The following CRYBG1 variants were observed in gnomAD, a reference collection of about 807,000 sequenced individuals.
CRYBG1 encodes the protein crystallin beta-gamma domain containing 1, also known as beta/gamma crystallin domain-containing protein 1.
Under a neutral mutation model 189.2 loss-of-function variants are expected in CRYBG1, and 139 were observed. That is an observed-to-expected ratio of 0.73 (90% CI 0.64 to 0.85). The LOEUF (loss-of-function observed/expected upper bound fraction) is 0.85, where lower values mean the gene tolerates loss of function less well. Among genes scored for constraint, CRYBG1 ranks in the 40% least tolerant of loss-of-function variants. CRYBG1 has a pLI of 0.00. For synonymous variants in CRYBG1, 1,023 were observed against 1,017.1 expected (o/e 1.01, Z -0.11); for missense variants, 2,611 against 2,675.8 (o/e 0.98, Z 0.53).
chr6:106,425,661 C>T (rs1409762044), intron 1 of CRYBG1, among the ~76,000 whole-genome samples: 5 of 152,136 alleles, frequency 3.3e-5, no homozygotes, highest in East Asian at 1.9e-4. Context: ...GACAGAGTTT[C>T]GCTCTTGTCA....
intron 2 of CRYBG1, among the ~76,000 whole-genome samples, chr6:106,455,521 A>C (rs987942877): frequency 6.6e-6 from 1 of 151,806 alleles, no homozygotes; most frequent in African/African-American, 2.4e-5. Context: ...ATATTGAGTA[A>C]TGTATTATTA....
intron 1 of CRYBG1, among the ~76,000 whole-genome samples, chr6:106,376,052 T>C (rs1201984134): frequency 1.3e-5 from 2 of 152,228 alleles, no homozygotes; most frequent in Non-Finnish European, 2.9e-5. Flanking sequence ...TGGACCACGG[T>C]TGACTGAGTG....
intron 2 of CRYBG1, among the ~76,000 whole-genome samples, chr6:106,502,369 A>G (rs1317478181): frequency 6.6e-6 from 1 of 152,250 alleles, no homozygotes. Flanking sequence ...TGATGACTTC[A>G]CAAGGAACAC....
At chr6:106,399,063 C>T (rs536416240) in intron 1 of CRYBG1, among the ~76,000 whole-genome samples, 1 of 148,060 alleles carries the variant, frequency 6.8e-6, no homozygotes, top group African/African-American at 2.7e-5. Context: ...AGGAAGTTTG[C>T]CCAGAGAGCC....
rs1773997522 is a variant in CRYBG1 at position 106,536,052 on chromosome 6, G to GATT, written c.4719-3351_4719-3350insATT. 2.3e-3 allele frequency among the ~76,000 whole-genome samples: 2 copies of GATT among 862 alleles called. 1 individual carries two copies. Among genetic ancestry groups the GATT allele is most frequent in the Non-Finnish European group, 4.9e-3 (2 of 408 alleles). The allele number at this position is 862 out of a possible 152,430, so 0.6% of individuals were successfully genotyped here. ...ACCCGCCTCGGCCTCCCAAAGTGCT[G>GATT]GGATTACAGGCGTGAGCCACTAACT... On this transcript the variant is annotated intron_variant, in intron 8 of 21. Coordinates refer to ENST00000633556, the MANE Select transcript of CRYBG1 (RefSeq NM_001371242.2).
intron 1 of CRYBG1, among the ~76,000 whole-genome samples, chr6:106,368,634 T>C (rs531168006): frequency 3.9e-5 from 6 of 152,298 alleles, no homozygotes; most frequent in African/African-American, 1.4e-4. Context: ...GATTCAAATA[T>C]ATGAGAAGTC....
At chr6:106,375,347 C>T (rs1268884830) in intron 1 of CRYBG1, among the ~76,000 whole-genome samples, 3 of 152,058 alleles carry the variant, frequency 2.0e-5, no homozygotes, top group African/African-American at 7.2e-5. Context: ...GATTAAGCCA[C>T]TGCCCTGCAG....
chr6:106,451,755 T>C lies in CRYBG1; in HGVS notation c.235T>C (p.Cys79Arg), dbSNP rs1771785411. ...VRDSQEFPLH[C>R]GESQFFHTTS... is the part of the protein sequence containing the mutation. ...AGACTCCCAGGAATTTCCACTGCAC[T>C]GTGGGGAATCCCAGTTCTTCCACAC... The change falls in exon 2 of 22, where the codon TGT (cysteine) becomes CGT (arginine). Residue 79 changes from cysteine to arginine, a missense_variant. Around this residue, in one of 3 missense-constraint regions of CRYBG1, gnomAD observed 985 missense variants for 924.4 expected, o/e 1.07. Transcript: ENST00000633556. 1 of 1,534,932 alleles carries C rather than the reference T, an allele frequency of 6.5e-7. No individual in the cohort carries two copies. The highest frequency in any genetic ancestry group is 8.7e-7 in the Non-Finnish European group (1 of 1,146,372).
In CRYBG1 at chr6:106,519,631, A is replaced by G; in HGVS notation, c.2423A>G (p.Lys808Arg). The G allele has an allele frequency of 1.2e-6, 2 of 1,614,214 alleles. No individual in the cohort carries two copies. The highest frequency in any genetic ancestry group is 2.7e-5 in the African/African-American group (2 of 75,054). Residue 808 changes from lysine to arginine, a missense_variant, in exon 4 of 22, where the codon AAG becomes AGG. By Grantham distance (26) the Lys-to-Arg change is conservative. Coordinates refer to ENST00000633556, the MANE Select transcript of CRYBG1 (RefSeq NM_001371242.2). ...EPVASALIPV[K>R]DHKLLEKEDS... ...GTGGCTTCTGCTCTGATTCCTGTCA[A>G]GGATCATAAGCTCTTAGAGAAGGAG...
intron 1 of CRYBG1, among the ~76,000 whole-genome samples, chr6:106,394,607 G>T (rs1403074063): frequency 6.6e-6 from 1 of 152,134 alleles, no homozygotes; most frequent in Non-Finnish European, 1.5e-5. Flanking sequence ...TCTAAAAGTT[G>T]TTTCTGAAAT....
intron 17 of CRYBG1, among the ~76,000 whole-genome samples, chr6:106,557,412 T>A (rs974540522): frequency 6.7e-6 from 1 of 148,592 alleles, no homozygotes; most frequent in African/African-American, 2.6e-5. Context: ...GCTTTTATTT[T>A]TTTTTTTTTT....
At chr6:106,470,240 C>CT (rs1437605989) in intron 2 of CRYBG1, among the ~76,000 whole-genome samples, 3 of 151,980 alleles carry the variant, frequency 2.0e-5, no homozygotes, top group Non-Finnish European at 4.4e-5. Flanking sequence ...GGGAAGATCC[C>CT]TTGAACCCCA....
chr6:106,519,732 G>C lies in CRYBG1; in HGVS notation c.2524G>C (p.Val842Leu), dbSNP rs766872985. The change falls in exon 4 of 22, where the codon GTG becomes CTG. Residue 842 changes from valine to leucine, a missense_variant. By Grantham distance (32) the Val-to-Leu change is conservative (BLOSUM62 1). Coordinates refer to ENST00000633556, the MANE Select transcript of CRYBG1 (RefSeq NM_001371242.2). ...TACAGCACAAGACATCCCCACCACT[G>C]TGGATACCAAAGATTTACCTCCAAC... Reference protein sequence around the residue: ...TDTAQDIPTTVDTKDLPPTAM... With the variant: ...TDTAQDIPTTLDTKDLPPTAM... 6.2e-7 allele frequency: 1 copy of C among 1,614,156 alleles called. No individual in the cohort carries two copies. The highest frequency in any genetic ancestry group is 1.1e-5 in the South Asian group (1 of 91,078).
chr6:106,487,075 T>A (rs1471004326), intron 2 of CRYBG1, among the ~76,000 whole-genome samples: 1 of 152,180 alleles, frequency 6.6e-6, no homozygotes, highest in Non-Finnish European at 1.5e-5. Context: ...TGTTTGTGTA[T>A]CTATTGAAAT....
intron 2 of CRYBG1, among the ~76,000 whole-genome samples, chr6:106,463,163 A>C (rs909480178): frequency 6.6e-6 from 1 of 152,130 alleles, no homozygotes; most frequent in Non-Finnish European, 1.5e-5. Context: ...CTAAAAAACA[A>C]AACAAGCCAG....
intron 1 of CRYBG1, among the ~76,000 whole-genome samples, chr6:106,447,657 G>T (rs1771692122): frequency 1.3e-5 from 2 of 151,444 alleles, no homozygotes; most frequent in African/African-American, 4.9e-5. Context: ...TTTCCAATTG[G>T]TCTTTCCTGT....
intron 1 of CRYBG1, among the ~76,000 whole-genome samples, chr6:106,432,007 G>A (rs1416384021): frequency 6.6e-6 from 1 of 152,140 alleles, no homozygotes; most frequent in Non-Finnish European, 1.5e-5. Context: ...GTAGGACCCT[G>A]TTTTAGTGAA....
intron 1 of CRYBG1, among the ~76,000 whole-genome samples, chr6:106,424,334 A>C (rs996897294): frequency 2.0e-5 from 3 of 152,218 alleles, no homozygotes; most frequent in Non-Finnish European, 2.9e-5. Context: ...GTATATTTCA[A>C]TAAAAACCTA....
intron 1 of CRYBG1, among the ~76,000 whole-genome samples, chr6:106,397,105 C>A (rs6926681): frequency 0.033 from 5,051 of 152,264 alleles, 275 homozygotes; most frequent in African/African-American, 0.11. Context: ...TTTACCAATT[C>A]TTTTTTCTTT....
Sources: allele counts gnomAD v4.1 joint callset (sites outside exome capture counted in the v4.1 genomes callset), GRCh38; gene constraint gnomAD v4.1.1; regional missense constraint gnomAD v4.1.1; transcripts MANE v1.5; gene names NCBI Gene and HGNC (gene_info 2026-07-23, HGNC 2026-07-21).